The following RALY variants were observed in gnomAD, a reference collection of about 807,000 sequenced individuals.
The protein encoded by RALY is RNA-binding protein Raly.
RALY carries 15 observed loss-of-function variants against 30.7 expected under a neutral mutation model. The ratio of observed to expected loss-of-function variants is 0.49; its 90% CI spans 0.33 to 0.75. The LOEUF (loss-of-function observed/expected upper bound fraction) is 0.75, where lower values mean the gene tolerates loss of function less well. RALY is among the 30% of genes least tolerant of loss of function. The probability of loss-of-function intolerance (pLI) is 0.02; values close to 1 mark genes in which losing one functional copy is unlikely to be tolerated. For missense variants in RALY, 339 were observed against 414.3 expected (o/e 0.82, Z 1.58); for synonymous variants, 177 against 170.8 (o/e 1.04, Z -0.28).
chr20:34,053,924 A>G (rs1443997296), intron 2 of RALY, among the ~76,000 whole-genome samples: 1 of 152,042 alleles, frequency 6.6e-6, no homozygotes, highest in Non-Finnish European at 1.5e-5. Flanking sequence ...CCTTATACAT[A>G]CTACCCACTA....
chr20:34,039,897 G>A (rs1479231237), intron 2 of RALY, among the ~76,000 whole-genome samples: 1 of 152,118 alleles, frequency 6.6e-6, no homozygotes, highest in African/African-American at 2.4e-5. Context: ...AGGATCACGA[G>A]GTCAAGAGAT....
chr20:34,043,120 G>A (rs1018755733), intron 2 of RALY, among the ~76,000 whole-genome samples: 1 of 152,246 alleles, frequency 6.6e-6, no homozygotes, highest in African/African-American at 2.4e-5. Flanking sequence ...ACAAGATCTT[G>A]AGCTCACTCT....
intron 1 of RALY, among the ~76,000 whole-genome samples, chr20:34,018,232 G>T (rs1258784722): frequency 6.6e-6 from 1 of 152,234 alleles, no homozygotes; most frequent in East Asian, 1.9e-4. Context: ...TAATGCAGGT[G>T]CAGCAGGTAG....
chr20:34,056,882 A>G (rs2033261345), intron 2 of RALY, among the ~76,000 whole-genome samples: 1 of 152,260 alleles, frequency 6.6e-6, no homozygotes, highest in Non-Finnish European at 1.5e-5. Flanking sequence ...GCCAGAGCCA[A>G]TAAAATGTTC....
chr20:34,041,096 C>G (rs184698556), intron 2 of RALY, among the ~76,000 whole-genome samples: 1 of 152,274 alleles, frequency 6.6e-6, no homozygotes, highest in Non-Finnish European at 1.5e-5. Flanking sequence ...AGCTATGTTT[C>G]CATCGTGATC....
chr20:34,013,924 C>T (rs556456257), intron 1 of RALY, among the ~76,000 whole-genome samples: 6 of 152,138 alleles, frequency 3.9e-5, no homozygotes, highest in African/African-American at 7.2e-5. Flanking sequence ...TATGACAGTG[C>T]GCTTTAAAGA....
intron 2 of RALY, among the ~76,000 whole-genome samples, chr20:34,071,341 T>C (rs1476844091): frequency 5.3e-5 from 8 of 151,496 alleles, no homozygotes; most frequent in Non-Finnish European, 1.2e-4. Flanking sequence ...CAGGCTGGAG[T>C]GCAGTGGCTT....
At chr20:34,016,338 AATG>A (rs1360183886) in intron 1 of RALY, 3 of 152,348 alleles carry the variant, frequency 2.0e-5, no homozygotes, top group Admixed American at 6.5e-5. Context: ...CCGCTAGTAT[AATG>A]ATGGGGGTAG....
chr20:34,068,291 A>C (rs2033634050), intron 2 of RALY, among the ~76,000 whole-genome samples: 1 of 152,186 alleles, frequency 6.6e-6, no homozygotes. Flanking sequence ...TGCTGAATGG[A>C]TGTCAATATT....
intron 1 of RALY, among the ~76,000 whole-genome samples, chr20:34,007,480 C>T (rs1277625463): frequency 6.6e-6 from 1 of 151,450 alleles, no homozygotes; most frequent in Non-Finnish European, 1.5e-5. Flanking sequence ...AAGATCATGC[C>T]ACTGCACTCC....
At chr20:34,028,496 A>G (rs1056902769) in intron 1 of RALY, among the ~76,000 whole-genome samples, 1 of 151,660 alleles carries the variant, frequency 6.6e-6, no homozygotes, top group Non-Finnish European at 1.5e-5. Flanking sequence ...TGAGGTCAGG[A>G]GATCGAGACC....
At chr20:34,060,401 A>G (rs1483331892) in intron 2 of RALY, among the ~76,000 whole-genome samples, 1 of 152,220 alleles carries the variant, frequency 6.6e-6, no homozygotes, top group Non-Finnish European at 1.5e-5. Flanking sequence ...ATATTCCAAA[A>G]TCTATAATCT....
intron 1 of RALY, among the ~76,000 whole-genome samples, chr20:34,017,155 G>A (rs1042831703): frequency 8.1e-4 from 39 of 48,032 alleles, no homozygotes; most frequent in African/African-American, 3.2e-3. Flanking sequence ...TAGGTACATC[G>A]TATAGGCCCC....
intron 1 of RALY, among the ~76,000 whole-genome samples, chr20:34,006,631 A>T (rs2031170310): frequency 6.7e-6 from 1 of 149,018 alleles, no homozygotes; most frequent in Non-Finnish European, 1.5e-5. Context: ...TTGTAATACC[A>T]TTTTTTTTTT....
chr20:34,006,064 A>C (rs180784833), intron 1 of RALY, among the ~76,000 whole-genome samples: 13 of 152,368 alleles, frequency 8.5e-5, no homozygotes, highest in Admixed American at 3.3e-4. Flanking sequence ...CAAAAGAAAG[A>C]TATGCCGTGG....
chr20:34,008,872 C>G (rs1057506291), intron 1 of RALY, among the ~76,000 whole-genome samples: 13 of 152,152 alleles, frequency 8.5e-5, no homozygotes, highest in Admixed American at 8.5e-4. Context: ...GTTACCCAGG[C>G]TGGTCTCACA....
intron 4 of RALY, 34 bp downstream of exon 4, chr20:34,073,669 G>A (rs370053729): frequency 5.2e-5 from 80 of 1,550,928 alleles, no homozygotes; most frequent in Middle Eastern, 1.7e-4. Context: ...TGTCTGGTGG[G>A]ATGACTCTCT....
intron 2 of RALY, among the ~76,000 whole-genome samples, chr20:34,037,384 T>C (rs1468705995): frequency 6.6e-6 from 1 of 152,206 alleles, no homozygotes; most frequent in East Asian, 1.9e-4. Context: ...GGTTGCCTGA[T>C]ACAGAGCTAG....
intron 1 of RALY, among the ~76,000 whole-genome samples, chr20:34,013,282 A>C (rs186822757): frequency 6.6e-6 from 1 of 151,930 alleles, no homozygotes; most frequent in African/African-American, 2.4e-5. Context: ...ATAATGGGGC[A>C]TTCCTGTAGT....
Sources: allele counts gnomAD v4.1 joint callset (sites outside exome capture counted in the v4.1 genomes callset), GRCh38; gene constraint gnomAD v4.1.1; transcripts MANE v1.5; gene names NCBI Gene and HGNC (gene_info 2026-07-23, HGNC 2026-07-21).